Variants in SLC14A1 observed in about 807,000 individuals in gnomAD.
SLC14A1 encodes urea transporter 1.
A neutral mutation model predicts 39.6 loss-of-function variants in SLC14A1; 36 were observed. The ratio of observed to expected loss-of-function variants is 0.91; its 90% CI spans 0.70 to 1.20. The LOEUF is 1.20. Ranked by LOEUF, SLC14A1 falls within the 50% of genes most tolerant of loss-of-function variation. The probability of loss-of-function intolerance (pLI) is 0.00; values close to 1 mark genes in which losing one functional copy is unlikely to be tolerated. For missense variants in SLC14A1, 469 were observed against 478.7 expected, an observed-to-expected ratio of 0.98 and a Z score of 0.19; for synonymous variants, 164 against 173.6, an observed-to-expected ratio of 0.94 and a Z score of 0.43.
At chr18:45,746,846 A>C (rs775894047) in intron 8 of SLC14A1, among the ~76,000 whole-genome samples, 5 of 152,200 alleles carry the variant, frequency 3.3e-5, no homozygotes, top group Admixed American at 1.3e-4. Context: ...GCCTTTTTAC[A>C]GATGATGAAA....
intron 7 of SLC14A1, 45 bp downstream of exon 7, chr18:45,739,355 C>A: frequency 6.2e-7 from 1 of 1,613,354 alleles, no homozygotes; most frequent in South Asian, 1.1e-5. Context: ...CTCCTCCATC[C>A]CATGCATTGC....
intron 6 of SLC14A1, among the ~76,000 whole-genome samples, chr18:45,736,936 G>GGGGTGA (rs2047215761): frequency 6.6e-6 from 1 of 151,546 alleles, no homozygotes. Context: ...CGTAAGCTTG[G>GGGGTGA]GGGTGGGGGT....
intron 8 of SLC14A1, among the ~76,000 whole-genome samples, chr18:45,746,229 C>T (rs16978479): frequency 0.032 from 4,903 of 152,250 alleles, 281 homozygotes; most frequent in African/African-American, 0.11. Context: ...AGCTGAAATC[C>T]AGTTTCCCCT....
At chr18:45,747,628 G>A (rs746758659) in intron 8 of SLC14A1, among the ~76,000 whole-genome samples, 9 of 152,118 alleles carry the variant, frequency 5.9e-5, no homozygotes, top group Non-Finnish European at 1.2e-4. Flanking sequence ...CCAGGAGGCG[G>A]AGCTTGCAGT....
chr18:45,734,287 T>A lies in SLC14A1; in HGVS notation c.355T>A (p.Ser119Thr), dbSNP rs867798276. 2 of 1,614,068 alleles carry A rather than the reference T, an allele frequency of 1.2e-6. No individual in the cohort carries two copies. Among genetic ancestry groups the A allele is most frequent in the East Asian group, 4.5e-5 (2 of 44,882 alleles). Residue 119 changes from serine (S) to threonine (T), a missense_variant, in exon 5 of 10, where the codon TCT becomes ACT. By Grantham distance (58) the Ser-to-Thr change is moderately conservative. Coordinates refer to ENST00000321925, the MANE Select transcript of SLC14A1 (RefSeq NM_015865.7). ...LLSQDRSLIA[S>T]GLYGYNATLV... ...CTTGCCCCACAGGTCATTAATAGCA[T>A]CTGGGCTCTATGGCTACAATGCCAC... is the stretch of plus-strand genomic sequence containing the variant.
At chr18:45,741,869 T>G (rs1026470039) in intron 8 of SLC14A1, among the ~76,000 whole-genome samples, 2 of 152,238 alleles carry the variant, frequency 1.3e-5, no homozygotes, top group African/African-American at 4.8e-5. Context: ...ATTCTGAGAT[T>G]GGTTAGGGGT....
intron 2 of SLC14A1, among the ~76,000 whole-genome samples, chr18:45,725,510 T>C (rs1282189756): frequency 6.6e-6 from 1 of 152,210 alleles, no homozygotes; most frequent in African/African-American, 2.4e-5. Context: ...AGCTCTTTCT[T>C]TGTGGTTGTT....
At position 45,752,328 on chromosome 18, in the gene SLC14A1, C is replaced by T. The variant is rs2047732907; in HGVS notation, c.*2377C>T. On this transcript the variant is annotated 3_prime_UTR_variant, in exon 10 of 10. Transcript: ENST00000321925. The stretch of plus-strand genomic sequence containing the variant: ...AGAACAGGGATCTACCATGCAGGAG[C>T]TTCTTGTGCTCACACAAATCTGTAA... 12 of 658,248 alleles carry T rather than the reference C, an allele frequency of 1.8e-5. No individual in the cohort carries two copies. Among genetic ancestry groups the T allele is most frequent in the Non-Finnish European group, 2.3e-5 (12 of 531,488 alleles). The allele number at this position is 658,248 out of a possible 1,614,324, so 40.8% of individuals were successfully genotyped here. A position where few individuals can be genotyped will look rare whatever the true frequency, so the allele number is the denominator to read the frequency against.
intron 4 of SLC14A1, among the ~76,000 whole-genome samples, chr18:45,731,834 T>C (rs1238295589): frequency 2.6e-5 from 4 of 152,230 alleles, no homozygotes; most frequent in Non-Finnish European, 4.4e-5. Flanking sequence ...ACTAGCCAGT[T>C]CCTTTAGGGA....
rs552748055 is a variant in SLC14A1 at position 45,750,391 on chromosome 18, G to C, written c.*440G>C. On this transcript the variant is annotated 3_prime_UTR_variant, in exon 10 of 10. Transcript: ENST00000321925. ...AATCGAAGTTAATCCAGAATTCTGT[G>C]ATAAGCAGCTTGGCTTTTTTTTTAA... is the stretch of plus-strand genomic sequence containing the variant. 6.5e-6 allele frequency: 7 copies of C among 1,076,568 alleles called. No homozygotes were observed. In the South Asian group the frequency reaches 1.4e-4, roughly 22 times the overall value. 66.7% of individuals were successfully genotyped at this position (1,076,568 alleles called of 1,614,324 possible).
chr18:45,730,027 C>T (rs576060654), intron 2 of SLC14A1: 19 of 329,682 alleles, frequency 5.8e-5, no homozygotes, highest in African/African-American at 2.1e-4. Context: ...AAGAAATACA[C>T]GCTTAGTAAA....
At chr18:45,733,469 G>A (rs1343738653) in intron 4 of SLC14A1, among the ~76,000 whole-genome samples, 1 of 152,166 alleles carries the variant, frequency 6.6e-6, no homozygotes, top group African/African-American at 2.4e-5. Context: ...GATTAATGTT[G>A]ATAAGATCAA....
intron 2 of SLC14A1, 83 bp from the exon 3 acceptor site, chr18:45,730,217 C>T (rs2046987255): frequency 7.1e-7 from 1 of 1,410,226 alleles, no homozygotes; most frequent in Non-Finnish European, 9.6e-7. Flanking sequence ...TGGTCCAGAT[C>T]TTCTACTGTA....
In SLC14A1 at chr18:45,750,450, G is replaced by GT. The variant is rs2047675499; in HGVS notation, c.*500dup. 9.5e-7 allele frequency: 1 copy of GT among 1,055,398 alleles called. No homozygotes were observed. The highest frequency in any genetic ancestry group is 1.7e-5 in the African/African-American group (1 of 58,622). 65.4% of individuals were successfully genotyped at this position (1,055,398 alleles called of 1,614,324 possible). On this transcript the variant is annotated 3_prime_UTR_variant, in exon 10 of 10. Coordinates refer to ENST00000321925, the MANE Select transcript of SLC14A1 (RefSeq NM_015865.7). ...AAGTTACACATTATAGCCAGAATCT[G>GT]TATCACAGAGGTGCAAGCTGACAGC...
chr18:45,727,146 C>T, intron 2 of SLC14A1: 1 of 962,266 alleles, frequency 1.0e-6, no homozygotes, highest in Non-Finnish European at 1.6e-6. Context: ...TCTTCCCTCA[C>T]CAGGAACCCA....
chr18:45,749,930 A>G lies in SLC14A1; in HGVS notation c.1149A>G (p.Arg383=), dbSNP rs1043193406. ...NRIFYLQAKK[R]MVESPL is the part of the protein sequence containing the mutation. The stretch of plus-strand genomic sequence containing the variant: ...TCTTCTACCTGCAAGCCAAGAAAAG[A>G]ATGGTGGAAAGCCCTTTGTGAGAAC... Residue 383 remains arginine (R), a synonymous_variant, in exon 10 of 10, where the codon AGA becomes AGG. Transcript: ENST00000321925. 1 of 1,614,096 alleles carries G rather than the reference A, an allele frequency of 6.2e-7. No homozygotes were observed. The highest frequency in any genetic ancestry group is 1.3e-5 in the African/African-American group (1 of 74,934).
In SLC14A1 at chr18:45,751,097, T is replaced by G; in HGVS notation, c.*1146T>G. 1.1e-6 allele frequency: 1 copy of G among 917,082 alleles called. No homozygotes were observed. The highest frequency in any genetic ancestry group is 1.3e-6 in the Non-Finnish European group (1 of 767,672). The allele number at this position is 917,082 out of a possible 1,614,324, so 56.8% of individuals were successfully genotyped here. A position where few individuals can be genotyped will look rare whatever the true frequency, so the allele number is the denominator to read the frequency against. On this transcript the variant is annotated 3_prime_UTR_variant, in exon 10 of 10. Transcript: ENST00000321925. ...GCTCACGCCTGTAATCCCAGCACTTTGGGGAGCCCAGGCGGGCAGATTGCT... is the reference window on the plus strand; with the variant it reads ...GCTCACGCCTGTAATCCCAGCACTTGGGGGAGCCCAGGCGGGCAGATTGCT...
intron 4 of SLC14A1, among the ~76,000 whole-genome samples, chr18:45,732,938 C>A (rs1181402742): frequency 5.3e-5 from 8 of 152,200 alleles, no homozygotes; most frequent in Non-Finnish European, 1.0e-4. Context: ...GGATTGAAAT[C>A]AAGTCCTTTG....
intron 8 of SLC14A1, among the ~76,000 whole-genome samples, chr18:45,740,520 CAAAAA>C (rs10714760): frequency 6.0e-5 from 8 of 132,536 alleles, no homozygotes; most frequent in Admixed American, 1.5e-4. Context: ...GACTTCATCT[CAAAAA>C]AAAAAAAAAA....
Sources: allele counts gnomAD v4.1 joint callset (sites outside exome capture counted in the v4.1 genomes callset), GRCh38; gene constraint gnomAD v4.1.1; transcripts MANE v1.5; gene names NCBI Gene and HGNC (gene_info 2026-07-23, HGNC 2026-07-21).